The following PTHLH variants were observed in gnomAD, a reference collection of about 807,000 sequenced individuals.
PTHLH encodes the protein parathyroid hormone like hormone, also known as parathyroid hormone-related protein.
Under a neutral mutation model 18.6 loss-of-function variants are expected in PTHLH, and 5 were observed. The ratio of observed to expected loss-of-function variants is 0.27; its 90% confidence interval spans 0.14 to 0.56. The LOEUF (loss-of-function observed/expected upper bound fraction) is 0.56. Among genes scored for constraint, PTHLH ranks in the 20% least tolerant of loss-of-function variants. PTHLH has a pLI of 0.92. For missense variants in PTHLH, 207 were observed against 223.9 expected, an observed-to-expected ratio of 0.92 and a Z score of 0.48; for synonymous variants, 90 against 94.0, an observed-to-expected ratio of 0.96 and a Z score of 0.25.
intron 3 of PTHLH, 102 bp downstream of exon 3, chr12:27,969,923 A>G (rs1476067410): frequency 1.9e-6 from 1 of 520,036 alleles, no homozygotes; most frequent in South Asian, 1.4e-5. Flanking sequence ...CTAAAAGAAG[A>G]AAGTTTCCCC....
In PTHLH at chr12:27,958,572, C is replaced by A; in HGVS notation, c.525-4G>T. On this transcript the variant is annotated splice_region_variant and splice_polypyrimidine_tract_variant and intron_variant, in intron 5 of 5. Transcript: ENST00000545234. ...CTGCTGAAAATTTCAATGCCTCCTG[C>A]AAAAAGAAGGAAGAGAAAGAAAAGG... The A allele has an allele frequency of 1.3e-6, 2 of 1,570,086 alleles. No homozygotes were observed. The highest frequency in any genetic ancestry group is 2.3e-5 in the East Asian group (1 of 43,362).
chr12:27,962,796 G>A, intron 5 of PTHLH: 1 of 970,442 alleles, frequency 1.0e-6, no homozygotes, highest in Non-Finnish European at 1.2e-6. Flanking sequence ...CATAATTTAA[G>A]TTCTTTACAT....
chr12:27,961,165 G>GT (rs2062749380), intron 5 of PTHLH, among the ~76,000 whole-genome samples: 3 of 151,132 alleles, frequency 2.0e-5, no homozygotes. Context: ...AGTTCCAGGC[G>GT]TAAGAATTGA....
At chr12:27,967,818 G>T (rs572022379) in intron 4 of PTHLH, among the ~76,000 whole-genome samples, 2 of 152,280 alleles carry the variant, frequency 1.3e-5, no homozygotes, top group East Asian at 3.9e-4. Flanking sequence ...TGTGTGTTTT[G>T]TAAGGTGCAA....
intron 5 of PTHLH, chr12:27,962,518 T>G: frequency 1.0e-6 from 1 of 983,642 alleles, no homozygotes; most frequent in Non-Finnish European, 1.2e-6. Flanking sequence ...TGGCCCTAAG[T>G]TATTTGATCC....
chr12:27,958,589 A>C (rs2062730091), intron 5 of PTHLH, 21 bp from the exon 6 acceptor site: 1 of 1,563,122 alleles, frequency 6.4e-7, no homozygotes, highest in Non-Finnish European at 8.7e-7. Context: ...AAGGAAGAGA[A>C]AGAAAAGGAG....
intron 4 of PTHLH, 146 bp downstream of exon 4, chr12:27,969,248 C>A (rs1374188680): frequency 4.0e-6 from 3 of 751,808 alleles, no homozygotes; most frequent in African/African-American, 3.5e-5. Context: ...CGGGCTCAGG[C>A]CCCGGCAGGT....
At chr12:27,970,512 C>T (rs1313867573) in intron 2 of PTHLH, among the ~76,000 whole-genome samples, 2 of 151,818 alleles carry the variant, frequency 1.3e-5, no homozygotes, top group Non-Finnish European at 2.9e-5. Flanking sequence ...TGCCGAGCCC[C>T]ACCCCGGAGC....
chr12:27,971,292 C>G (rs1162429772), intron 2 of PTHLH, among the ~76,000 whole-genome samples: 1 of 152,158 alleles, frequency 6.6e-6, no homozygotes, highest in Non-Finnish European at 1.5e-5. Flanking sequence ...CTTTCCAAAG[C>G]TAATGGGCGG....
intron 5 of PTHLH, 129 bp from the exon 6 acceptor site, chr12:27,958,697 T>C (rs1222450918): frequency 1.4e-5 from 12 of 856,854 alleles, no homozygotes; most frequent in Admixed American, 2.7e-5. Flanking sequence ...AGGGAACTTC[T>C]TGTAAATATC....
chr12:27,959,754 G>T (rs1832300049), intron 5 of PTHLH, among the ~76,000 whole-genome samples: 1 of 152,190 alleles, frequency 6.6e-6, no homozygotes, highest in African/African-American at 2.4e-5. Flanking sequence ...TTCACCAATG[G>T]TTTTGGTGGG....
chr12:27,971,035 T>C (rs1355232607), intron 2 of PTHLH, among the ~76,000 whole-genome samples: 1 of 151,428 alleles, frequency 6.6e-6, no homozygotes, highest in Non-Finnish European at 1.5e-5. Context: ...ACAGGAGAGA[T>C]CCCCCTTTTG....
At chr12:27,969,853 A>G (rs780642706) in intron 3 of PTHLH, 172 bp downstream of exon 3, 3 of 530,492 alleles carry the variant, frequency 5.7e-6, no homozygotes, top group Non-Finnish European at 1.1e-5. Flanking sequence ...CTCCCATAGC[A>G]ATGTCTAATT....
Position 27,966,056 on chromosome 12 carries a change from A to G in PTHLH, c.102-2286T>C, listed in dbSNP as rs540376118. On this transcript the variant is annotated intron_variant, in intron 4 of 5. Coordinates refer to ENST00000545234, the MANE Select transcript of PTHLH (RefSeq NM_198965.2). Reference sequence around the variant, plus strand: ...GCTTAACTTGAGGCCAAAACTTTTAATGGTTGGTCTATTCTAATTAAGCCA... The same window carrying G: ...GCTTAACTTGAGGCCAAAACTTTTAGTGGTTGGTCTATTCTAATTAAGCCA... 7.2e-5 allele frequency among the ~76,000 whole-genome samples: 11 copies of G among 152,300 alleles called. No individual in the cohort carries two copies. In the East Asian group the frequency reaches 2.1e-3, roughly 29 times the overall value.
chr12:27,969,908 G>A (rs2062853868), intron 3 of PTHLH, 117 bp downstream of exon 3: 1 of 520,836 alleles, frequency 1.9e-6, no homozygotes, highest in Non-Finnish European at 3.8e-6. Flanking sequence ...AGGGCTAACC[G>A]CCTCCTAAAA....
chr12:27,972,323 C>T (rs913865484), intron 1 of PTHLH, among the ~76,000 whole-genome samples, 200 bp downstream of exon 1: 2 of 152,286 alleles, frequency 1.3e-5, no homozygotes, highest in African/African-American at 4.8e-5. Flanking sequence ...GCTTTTTCTA[C>T]TAATTAAACA....
intron 5 of PTHLH, among the ~76,000 whole-genome samples, chr12:27,960,119 G>A (rs1465275670): frequency 1.3e-5 from 2 of 152,116 alleles, no homozygotes; most frequent in East Asian, 1.9e-4. Flanking sequence ...GCATGTATTG[G>A]AATAGCCAAG....
intron 4 of PTHLH, among the ~76,000 whole-genome samples, chr12:27,967,968 C>T (rs1315283856): frequency 6.6e-6 from 1 of 152,046 alleles, no homozygotes; most frequent in Non-Finnish European, 1.5e-5. Flanking sequence ...AAAAAATTGG[C>T]TCTGTTCCAA....
chr12:27,959,967 A>ATTCC (rs1383917494), intron 5 of PTHLH, among the ~76,000 whole-genome samples: 1 of 152,218 alleles, frequency 6.6e-6, no homozygotes, highest in African/African-American at 2.4e-5. Context: ...CAAAGAGGGA[A>ATTCC]GGAAGAGGAT....
Sources: allele counts gnomAD v4.1 joint callset (sites outside exome capture counted in the v4.1 genomes callset), GRCh38; gene constraint gnomAD v4.1.1; transcripts MANE v1.5; gene names NCBI Gene and HGNC (gene_info 2026-07-23, HGNC 2026-07-21).